SGCD: variants seen among roughly 807,000 people sequenced by gnomAD.
The protein encoded by SGCD is sarcoglycan delta.
A neutral mutation model predicts 36.6 loss-of-function variants in SGCD; 18 were observed. The observed-to-expected ratio is 0.49, with a 90% CI of 0.34 to 0.73. The LOEUF is 0.73. Ranked by LOEUF, SGCD falls within the 30% of genes least tolerant of loss-of-function variation. The pLI is 0.01. For missense variants in SGCD, 387 were observed against 346.7 expected, an observed-to-expected ratio of 1.12 and a Z score of -0.92; for synonymous variants, 133 against 130.6, an observed-to-expected ratio of 1.02 and a Z score of -0.12.
chr5:156,298,597 G>A (rs1435700372), intron 3 of SGCD, among the ~76,000 whole-genome samples: 1 of 25,088 alleles, frequency 4.0e-5, no homozygotes, highest in African/African-American at 2.0e-4. Context: ...TTTTTTTTTT[G>A]GAGACAGAGT....
At chr5:156,098,800 G>A (rs1432706) in intron 1 of SGCD, among the ~76,000 whole-genome samples, 15 of 152,120 alleles carry the variant, frequency 9.9e-5, no homozygotes, top group African/African-American at 3.4e-4. Context: ...ATAATTTGGG[G>A]CAAATAGGTT....
intron 3 of SGCD, among the ~76,000 whole-genome samples, chr5:156,392,191 C>G (rs1771607898): frequency 6.6e-6 from 1 of 152,174 alleles, no homozygotes; most frequent in East Asian, 1.9e-4. Flanking sequence ...ACAAGACACT[C>G]ATATCTACCC....
intron 1 of SGCD, among the ~76,000 whole-genome samples, chr5:155,948,538 T>C (rs147702340): frequency 1.3e-5 from 2 of 152,344 alleles, no homozygotes; most frequent in East Asian, 3.9e-4. Flanking sequence ...TCTAATTGGC[T>C]TCCCTATAGC....
At chr5:155,764,840 C>T in the SGCD span, among the ~76,000 whole-genome samples, 522 of 152,136 alleles carry the variant, frequency 3.4e-3, 1 homozygote, top group Non-Finnish European at 6.0e-3. Flanking sequence ...TGGGGGGAGG[C>T]AGAGGAAATC....
chr5:156,047,277 G>A (rs563939646), intron 1 of SGCD, among the ~76,000 whole-genome samples: 125 of 152,212 alleles, frequency 8.2e-4, no homozygotes, highest in African/African-American at 2.8e-3. Flanking sequence ...TAAGTTATCC[G>A]GAAAATCCAC....
At chr5:155,905,752 G>C (rs1185996249) in intron 1 of SGCD, among the ~76,000 whole-genome samples, 2 of 152,086 alleles carry the variant, frequency 1.3e-5, no homozygotes, top group Admixed American at 6.6e-5. Context: ...AGTCTCACGA[G>C]ATCTGATGGG....
chr5:155,842,252 T>TTG, the SGCD span, among the ~76,000 whole-genome samples: 1 of 150,762 alleles, frequency 6.6e-6, no homozygotes, highest in Non-Finnish European at 1.5e-5. Flanking sequence ...AGGTGTTTTT[T>TTG]TTTTTTTTTT....
At chr5:156,260,804 T>A (rs1479147230) in intron 3 of SGCD, among the ~76,000 whole-genome samples, 1 of 152,146 alleles carries the variant, frequency 6.6e-6, no homozygotes, top group Non-Finnish European at 1.5e-5. Flanking sequence ...TAAATAGATT[T>A]TAAATTTGTA....
chr5:155,745,799 C>G, the SGCD span, among the ~76,000 whole-genome samples: 1 of 152,122 alleles, frequency 6.6e-6, no homozygotes, highest in Non-Finnish European at 1.5e-5. Context: ...AATTAGATAT[C>G]TTTTATACTC....
At chr5:156,209,788 C>G (rs1166693552) in intron 3 of SGCD, among the ~76,000 whole-genome samples, 1 of 152,120 alleles carries the variant, frequency 6.6e-6, no homozygotes, top group Admixed American at 6.5e-5. Flanking sequence ...ATTGAAGACC[C>G]CAGTGCCAGG....
At chr5:156,447,760 C>T (rs1314973044) in intron 3 of SGCD, among the ~76,000 whole-genome samples, 5 of 152,082 alleles carry the variant, frequency 3.3e-5, no homozygotes, top group African/African-American at 1.2e-4. Flanking sequence ...GATACATGTT[C>T]ACCTATGTAA....
the SGCD span, among the ~76,000 whole-genome samples, chr5:155,792,634 G>GA: frequency 1.5e-3 from 225 of 152,094 alleles, no homozygotes; most frequent in African/African-American, 5.2e-3. Context: ...CATGCAAGGA[G>GA]CCAACAAACA....
At chr5:155,979,151 T>C (rs1412663138) in intron 1 of SGCD, among the ~76,000 whole-genome samples, 1 of 152,206 alleles carries the variant, frequency 6.6e-6, no homozygotes, top group African/African-American at 2.4e-5. Flanking sequence ...CCTGAACAGA[T>C]TGGCACAACA....
chr5:155,947,783 G>A (rs992648962), intron 1 of SGCD, among the ~76,000 whole-genome samples: 1 of 152,256 alleles, frequency 6.6e-6, no homozygotes, highest in East Asian at 1.9e-4. Flanking sequence ...AGCAGAGAGA[G>A]CTCCTGTAGT....
At chr5:155,768,176 G>T in the SGCD span, among the ~76,000 whole-genome samples, 2 of 152,018 alleles carry the variant, frequency 1.3e-5, no homozygotes, top group Admixed American at 1.3e-4. Flanking sequence ...ATTTGTATTA[G>T]GAATTGTCTA....
chr5:155,783,040 C>T, the SGCD span, among the ~76,000 whole-genome samples: 3 of 152,048 alleles, frequency 2.0e-5, no homozygotes, highest in Non-Finnish European at 2.9e-5. Flanking sequence ...TAGAATGACT[C>T]GGTGGAGGGG....
intron 3 of SGCD, among the ~76,000 whole-genome samples, chr5:156,297,832 G>C (rs2127682309): frequency 6.8e-6 from 1 of 147,878 alleles, no homozygotes; most frequent in South Asian, 2.1e-4. Flanking sequence ...ATAAATTGCT[G>C]ACTATAGTCA....
intron 6 of SGCD, among the ~76,000 whole-genome samples, chr5:156,624,319 T>C (rs958515739): frequency 2.0e-5 from 3 of 152,278 alleles, no homozygotes; most frequent in East Asian, 1.9e-4. Flanking sequence ...CGGTGGCTCA[T>C]GCCTGTAATC....
At chr5:156,267,976 C>T (rs1766046832) in intron 3 of SGCD, among the ~76,000 whole-genome samples, 1 of 152,044 alleles carries the variant, frequency 6.6e-6, no homozygotes, top group Non-Finnish European at 1.5e-5. Context: ...TTCCATTCTT[C>T]TCCCTCCCTG....
Sources: allele counts gnomAD v4.1 joint callset (sites outside exome capture counted in the v4.1 genomes callset), GRCh38; gene constraint gnomAD v4.1.1; transcripts MANE v1.5; gene names NCBI Gene and HGNC (gene_info 2026-07-23, HGNC 2026-07-21).